KMT5B: variants seen among roughly 807,000 people sequenced by gnomAD.
The protein encoded by KMT5B is histone-lysine N-methyltransferase KMT5B.
Under a neutral mutation model 83.2 loss-of-function variants are expected in KMT5B, and 10 were observed. The ratio of observed to expected loss-of-function variants is 0.12; its 90% CI spans 0.07 to 0.20. The LOEUF is 0.20. Ranked by LOEUF, KMT5B falls within the 10% of genes least tolerant of loss-of-function variation. The pLI, the probability that KMT5B is intolerant of heterozygous loss-of-function variation, is 1.00. For missense variants in KMT5B, 753 were observed against 1,067.2 expected (o/e 0.71, Z 4.10); for synonymous variants, 349 against 388.8 (o/e 0.90, Z 1.20).
At chr11:68,189,496 T>C (rs924850972) in intron 2 of KMT5B, 2 of 154,886 alleles carry the variant, frequency 1.3e-5, no homozygotes, top group African/African-American at 2.4e-5. Context: ...ATTCTACTTA[T>C]GTAAATTACA....
chr11:68,182,262 A>G (rs1857008171), intron 3 of KMT5B, among the ~76,000 whole-genome samples: 1 of 152,190 alleles, frequency 6.6e-6, no homozygotes, highest in Non-Finnish European at 1.5e-5. Flanking sequence ...GCACGTCACA[A>G]TGAAACTGAG....
intron 6 of KMT5B, among the ~76,000 whole-genome samples, chr11:68,172,086 G>T (rs1309441283): frequency 1.3e-5 from 2 of 152,150 alleles, no homozygotes; most frequent in Admixed American, 1.3e-4. Context: ...GGCAGTAAGG[G>T]TTATGAGGAT....
Position 68,158,072 on chromosome 11 carries a change from A to G in KMT5B, c.2274T>C (p.Tyr758=). 1 of 1,614,220 alleles carries G rather than the reference A, an allele frequency of 6.2e-7. No individual in the cohort carries two copies. The change falls in exon 11 of 11, where the codon TAT becomes TAC. Residue 758 remains tyrosine (Y), a synonymous_variant. Transcript: ENST00000304363. ...TAAATCCATTATTAAGCTTTGCTACATAGAGATTGTTATCGTTGTCATGGT... is the reference window on the plus strand; with the variant it reads ...TAAATCCATTATTAAGCTTTGCTACGTAGAGATTGTTATCGTTGTCATGGT... ...SKDHDNDNNL[Y]VAKLNNGFNS...
intron 1 of KMT5B, among the ~76,000 whole-genome samples, chr11:68,203,862 C>T (rs1354610353): frequency 2.0e-5 from 3 of 151,534 alleles, no homozygotes; most frequent in Non-Finnish European, 2.9e-5. Context: ...AGCTGTCACG[C>T]TAATTCAAAT....
chr11:68,190,190 G>T, intron 1 of KMT5B, 38 bp from the exon 2 acceptor site: 1 of 887,654 alleles, frequency 1.1e-6, no homozygotes, highest in South Asian at 1.6e-5. Flanking sequence ...AACAAAATGG[G>T]GAGATAAATA....
intron 4 of KMT5B, chr11:68,176,560 T>C (rs982797167): frequency 3.3e-5 from 5 of 152,292 alleles, no homozygotes; most frequent in African/African-American, 1.2e-4. Context: ...TCGAGGCGGA[T>C]GGATCACGAG....
At chr11:68,193,372 A>T (rs979702785) in intron 1 of KMT5B, among the ~76,000 whole-genome samples, 1 of 152,244 alleles carries the variant, frequency 6.6e-6, no homozygotes, top group African/African-American at 2.4e-5. Context: ...ATGCCTGGAC[A>T]TACCTTTAAT....
At chr11:68,199,281 G>GA (rs1191750143) in intron 1 of KMT5B, among the ~76,000 whole-genome samples, 10 of 152,142 alleles carry the variant, frequency 6.6e-5, no homozygotes, top group African/African-American at 2.4e-4. Flanking sequence ...ATTAACGAAT[G>GA]AATGTCGGCA....
chr11:68,170,050 G>C (rs1335468884), intron 9 of KMT5B, among the ~76,000 whole-genome samples: 1 of 152,172 alleles, frequency 6.6e-6, no homozygotes, highest in Non-Finnish European at 1.5e-5. Flanking sequence ...GAAATCCCTG[G>C]CTATCCAGAA....
intron 10 of KMT5B, chr11:68,166,130 C>G: frequency 7.0e-7 from 1 of 1,430,280 alleles, no homozygotes; most frequent in Non-Finnish European, 9.1e-7. Flanking sequence ...CTGTCTCTCT[C>G]AGAGACAAGT....
In KMT5B at chr11:68,175,011, A is replaced by C. The variant is rs1185868739; in HGVS notation, c.543+7T>G. On this transcript the variant is annotated splice_region_variant and intron_variant, in intron 5 of 10. Transcript: ENST00000304363. ...TAGGTTAACAGCATCAGTCTTAATA[A>C]ACTTACATGTTCTTTGAATAATTTC... The C allele has an allele frequency of 6.2e-7, 1 of 1,612,070 alleles. No individual in the cohort carries two copies. The highest frequency in any genetic ancestry group is 2.2e-5 in the East Asian group (1 of 44,834).
At chr11:68,180,838 T>TC (rs1487194935) in intron 3 of KMT5B, among the ~76,000 whole-genome samples, 1 of 151,954 alleles carries the variant, frequency 6.6e-6, no homozygotes, top group East Asian at 1.9e-4. Context: ...AAACAACAAC[T>TC]CTTTTTTTCT....
chr11:68,183,757 TCAC>T (rs1857172369), intron 3 of KMT5B, among the ~76,000 whole-genome samples: 1 of 151,772 alleles, frequency 6.6e-6, no homozygotes, highest in Admixed American at 6.6e-5. Flanking sequence ...TCTCCCGGGT[TCAC>T]GTGATTCTCC....
chr11:68,169,855 A>G (rs1855675457), intron 9 of KMT5B, among the ~76,000 whole-genome samples: 1 of 152,248 alleles, frequency 6.6e-6, no homozygotes, highest in Non-Finnish European at 1.5e-5. Flanking sequence ...TCTAACCAAC[A>G]TGTGAATAAT....
In KMT5B at chr11:68,167,193, A is replaced by C; in HGVS notation, c.978-15T>G. 1 of 1,591,680 alleles carries C rather than the reference A, an allele frequency of 6.3e-7. No individual in the cohort carries two copies. The highest frequency in any genetic ancestry group is 8.6e-7 in the Non-Finnish European group (1 of 1,167,668). ...CAGTGCCCCGTCTGAAAGAGAAAAT[A>C]GCACAGGTTAAACAAATAGAACACA... On this transcript the variant is annotated splice_polypyrimidine_tract_variant and intron_variant, in intron 9 of 10. Coordinates refer to ENST00000304363, the MANE Select transcript of KMT5B (RefSeq NM_017635.5).
Position 68,157,700 on chromosome 11 carries a change from C to A in KMT5B, c.2646G>T (p.Arg882Ser). The change falls in exon 11 of 11, where the codon AGG becomes AGT. Residue 882 changes from arginine to serine, a missense_variant. Arg to Ser is a moderately radical substitution (Grantham distance 110). Around this residue, in one of 9 missense-constraint regions of KMT5B, gnomAD observed 161 missense variants for 195.1 expected, o/e 0.83. Transcript: ENST00000304363. The stretch of plus-strand genomic sequence containing the variant: ...TAAGACCAAGAGCTTAGGCATTAAG[C>A]CTTAAAGACTGATCTTCTCTTCTCC... ...SSRRREDQSLRLNA is the reference protein window; with the variant it reads ...SSRRREDQSLSLNA 1 of 1,577,878 alleles carries A rather than the reference C, an allele frequency of 6.3e-7. No individual in the cohort carries two copies. The highest frequency in any genetic ancestry group is 1.2e-5 in the South Asian group (1 of 85,248).
intron 1 of KMT5B, among the ~76,000 whole-genome samples, chr11:68,203,286 A>G (rs566023728): frequency 2.2e-3 from 333 of 152,332 alleles, no homozygotes; most frequent in Non-Finnish European, 3.2e-3. Context: ...ATACACTTTC[A>G]TATCATTAGA....
intron 2 of KMT5B, among the ~76,000 whole-genome samples, chr11:68,188,661 A>C (rs1250142616): frequency 6.6e-6 from 1 of 152,240 alleles, no homozygotes; most frequent in East Asian, 1.9e-4. Context: ...GCCCAGACGC[A>C]TTTTCTAAAT....
rs71040600 is a variant in KMT5B at position 68,191,173 on chromosome 11, T to TTGTGTGTGTGTGTGTGTGTGTG, written c.-76-1043_-76-1022dup. Among the ~76,000 whole-genome samples, 447 of 139,258 alleles carry TTGTGTGTGTGTGTGTGTGTGTG rather than the reference T, an allele frequency of 3.2e-3. 3 individuals carry two copies. Among genetic ancestry groups the TTGTGTGTGTGTGTGTGTGTGTG allele is most frequent in the South Asian group, 5.1e-3 (21 of 4,122 alleles). 91.4% of individuals were successfully genotyped at this position (139,258 alleles called of 152,430 possible). Reference sequence around the variant, plus strand: ...ACCACATCCAGTTAATTTTAAAACTTTGTGTGTGTGTGTGTGTGTGTGTGT... The same window carrying TTGTGTGTGTGTGTGTGTGTGTG: ...ACCACATCCAGTTAATTTTAAAACTTTGTGTGTGTGTGTGTGTGTGTGTGTGTGTGTGTGTGTGTGTGTGTGT... On this transcript the variant is annotated intron_variant, in intron 1 of 10. Transcript: ENST00000304363.
Sources: gnomAD v4.1 joint callset for allele counts (sites outside exome capture counted in the v4.1 genomes callset) on GRCh38, gnomAD v4.1.1 for gene constraint, gnomAD v4.1.1 regional missense constraint, MANE v1.5 for transcripts, NCBI Gene and HGNC (gene_info 2026-07-23, HGNC 2026-07-21) for gene names.